The following DLG2 variants were observed in gnomAD, a reference collection of about 807,000 sequenced individuals.
DLG2 encodes discs large MAGUK scaffold protein 2, also known as disks large homolog 2.
DLG2 carries 45 observed loss-of-function variants against 132.5 expected under a neutral mutation model. The ratio of observed to expected loss-of-function variants is 0.34; its 90% CI spans 0.27 to 0.44. DLG2 has a LOEUF of 0.44. Ranked by LOEUF, DLG2 falls within the 20% of genes least tolerant of loss-of-function variation. The probability of loss-of-function intolerance (pLI) is 1.00; values close to 1 mark genes in which losing one functional copy is unlikely to be tolerated. For synonymous variants in DLG2, 424 were observed against 419.6 expected, an observed-to-expected ratio of 1.01 and a Z score of -0.13; for missense variants, 1,045 against 1,196.9, an observed-to-expected ratio of 0.87 and a Z score of 1.87.
At chr11:85,471,870 A>G (rs1336696693) in intron 3 of DLG2, among the ~76,000 whole-genome samples, 1 of 152,226 alleles carries the variant, frequency 6.6e-6, no homozygotes, top group East Asian at 1.9e-4. Flanking sequence ...AAATAAATAG[A>G]CAAATCCTAG....
intron 6 of DLG2, among the ~76,000 whole-genome samples, chr11:85,028,166 C>G (rs1049130078): frequency 1.3e-5 from 2 of 152,128 alleles, no homozygotes; most frequent in Admixed American, 1.3e-4. Context: ...GCAGGTTGTC[C>G]TGACAAGACA....
At position 84,956,226 on chromosome 11, in the gene DLG2, C is replaced by T. The variant is rs559569152; in HGVS notation, c.357+155435G>A. ...AACTCAAGCAAAGCAAAAAGCTGAA[C>T]AATATTTCTAAAAATCAACATTGGG... is the stretch of plus-strand genomic sequence containing the variant. On this transcript the variant is annotated intron_variant, in intron 6 of 27. Transcript: ENST00000376104. Among the ~76,000 whole-genome samples, 19 of 152,192 alleles carry T rather than the reference C, an allele frequency of 1.2e-4. 2 individuals are homozygous for T. The highest frequency in any genetic ancestry group is 4.6e-4 in the African/African-American group (19 of 41,510).
At chr11:85,445,486 T>C (rs2091967473) in intron 3 of DLG2, among the ~76,000 whole-genome samples, 1 of 152,194 alleles carries the variant, frequency 6.6e-6, no homozygotes, top group Admixed American at 6.5e-5. Flanking sequence ...GAGACCAGCC[T>C]GGTCAACATG....
intron 18 of DLG2, among the ~76,000 whole-genome samples, chr11:83,729,446 C>T (rs764539057): frequency 4.6e-5 from 7 of 152,196 alleles, no homozygotes; most frequent in Non-Finnish European, 8.8e-5. Flanking sequence ...TGAAGCACTC[C>T]AAGCTTCCTC....
At chr11:85,002,489 A>G (rs189688555) in intron 6 of DLG2, among the ~76,000 whole-genome samples, 1 of 152,288 alleles carries the variant, frequency 6.6e-6, no homozygotes, top group Non-Finnish European at 1.5e-5. Context: ...GAGGTCTACA[A>G]TCTCTCCATG....
At chr11:85,564,049 T>C (rs1009835040) in intron 3 of DLG2, among the ~76,000 whole-genome samples, 4 of 152,110 alleles carry the variant, frequency 2.6e-5, no homozygotes, top group African/African-American at 9.6e-5. Context: ...CTAAAGATGG[T>C]AAACACATTG....
At chr11:83,968,381 A>G (rs1199799018) in intron 12 of DLG2, among the ~76,000 whole-genome samples, 1 of 152,122 alleles carries the variant, frequency 6.6e-6, no homozygotes, top group Non-Finnish European at 1.5e-5. Flanking sequence ...AGCACCTCTC[A>G]CATTTCTCTT....
At chr11:84,219,302 C>T (rs1481240411) in intron 8 of DLG2, among the ~76,000 whole-genome samples, 1 of 152,162 alleles carries the variant, frequency 6.6e-6, no homozygotes, top group African/African-American at 2.4e-5. Context: ...GTTTCTACAT[C>T]TAAATCCTTT....
In DLG2 at chr11:83,496,396, T is replaced by C. The variant is rs565124527; in HGVS notation, c.2194-12168A>G. The stretch of plus-strand genomic sequence containing the variant: ...AACATGATACAGTTACTTTGAAAAA[T>C]AGTTTGGTATCTTCTTGTAAATGTA... On this transcript the variant is annotated intron_variant, in intron 21 of 27. Coordinates refer to ENST00000376104, the MANE Select transcript of DLG2 (RefSeq NM_001142699.3). Among the ~76,000 whole-genome samples, 6 of 152,144 alleles carry C rather than the reference T, an allele frequency of 3.9e-5. No homozygotes were observed. The South Asian group carries it at 1.0e-3, about 26-fold the overall frequency.
intron 25 of DLG2, 135 bp from the exon 26 acceptor site, chr11:83,466,952 C>A: frequency 1.7e-6 from 1 of 599,858 alleles, no homozygotes; most frequent in Non-Finnish European, 3.0e-6. Flanking sequence ...AAGATCACTG[C>A]AAAGAGTAAA....
In DLG2 at chr11:84,207,542, A is replaced by G. The variant is rs574386580; in HGVS notation, c.573+43696T>C. Among the ~76,000 whole-genome samples, 10 of 152,246 alleles carry G rather than the reference A, an allele frequency of 6.6e-5. 1 individual carries two copies. The South Asian group carries it at 2.1e-3, about 32-fold the overall frequency. Reference sequence around the variant, plus strand: ...GGCGCCAATGGCATTCAGAGGGGAAAGAAACATCTTTTTGACCAATGGTGC... The same window carrying G: ...GGCGCCAATGGCATTCAGAGGGGAAGGAAACATCTTTTTGACCAATGGTGC... On this transcript the variant is annotated intron_variant, in intron 8 of 27. Transcript: ENST00000376104.
intron 4 of DLG2, among the ~76,000 whole-genome samples, chr11:85,231,425 A>G (rs911759274): frequency 6.6e-6 from 1 of 151,924 alleles, no homozygotes. Context: ...TTCCCATTTC[A>G]TGGCTGGGAT....
intron 6 of DLG2, among the ~76,000 whole-genome samples, chr11:84,690,754 G>A (rs1348166571): frequency 6.6e-6 from 1 of 151,816 alleles, no homozygotes; most frequent in East Asian, 1.9e-4. Context: ...GTGTTTCAGA[G>A]AGTTTACATG....
chr11:84,341,381 G>T (rs1437822606), intron 7 of DLG2, among the ~76,000 whole-genome samples: 1 of 152,110 alleles, frequency 6.6e-6, no homozygotes, highest in East Asian at 1.9e-4. Context: ...GAAATGGCAA[G>T]GTAATAGACT....
At chr11:84,719,525 G>A (rs2061567909) in intron 6 of DLG2, among the ~76,000 whole-genome samples, 1 of 152,150 alleles carries the variant, frequency 6.6e-6, no homozygotes, top group Non-Finnish European at 1.5e-5. Flanking sequence ...CAAACACCAA[G>A]TTCTATGCAT....
rs138517389 is a variant in DLG2, at chr11:85,295,536, T to A, written c.41-10171A>T. ...AGAAACTGAGACTGGTTCAAGGTCA[T>A]CAGGCTGGACAATGGCAAGGCTATT... On this transcript the variant is annotated intron_variant, in intron 3 of 27. Transcript: ENST00000376104. Among the ~76,000 whole-genome samples, 43 of 152,300 alleles carry A rather than the reference T, an allele frequency of 2.8e-4. No homozygotes were observed. In the East Asian group the frequency reaches 7.5e-3, roughly 27 times the overall value.
At chr11:84,314,486 G>T (rs879629102) in intron 7 of DLG2, among the ~76,000 whole-genome samples, 4 of 152,026 alleles carry the variant, frequency 2.6e-5, no homozygotes, top group Non-Finnish European at 2.9e-5. Context: ...ATATAATTTA[G>T]ATATTAGATG....
chr11:84,000,177 A>G (rs186076843), intron 11 of DLG2, among the ~76,000 whole-genome samples: 8 of 152,286 alleles, frequency 5.3e-5, no homozygotes, highest in African/African-American at 1.4e-4. Flanking sequence ...TAGATATCAT[A>G]CAAAAGAACC....
At chr11:85,462,752 G>A (rs2092657932) in intron 3 of DLG2, among the ~76,000 whole-genome samples, 1 of 151,716 alleles carries the variant, frequency 6.6e-6, no homozygotes, top group African/African-American at 2.4e-5. Flanking sequence ...GTATACATAT[G>A]TAACAAACGT....
Sources: gnomAD v4.1 joint callset for allele counts (sites outside exome capture counted in the v4.1 genomes callset) on GRCh38, gnomAD v4.1.1 for gene constraint, MANE v1.5 for transcripts, NCBI Gene and HGNC (gene_info 2026-07-23, HGNC 2026-07-21) for gene names.